The following GPC4 variants were observed in gnomAD, a reference collection of about 807,000 sequenced individuals.
The protein encoded by GPC4 is glypican 4.
A neutral mutation model predicts 35.0 loss-of-function variants in GPC4; 10 were observed. The observed-to-expected ratio is 0.29, with a 90% CI of 0.18 to 0.48. The LOEUF is 0.48. GPC4 is among the 20% of genes least tolerant of loss of function. The probability of loss-of-function intolerance (pLI) is 0.99; values close to 1 mark genes in which losing one functional copy is unlikely to be tolerated. For missense variants in GPC4, 322 were observed against 451.3 expected (o/e 0.71, Z 2.60); for synonymous variants, 167 against 170.2 (o/e 0.98, Z 0.15).
intron 4 of GPC4, among the ~76,000 whole-genome samples, chrX:133,308,840 C>T (rs927235044): frequency 1.8e-5 from 2 of 110,859 alleles, no homozygotes; most frequent in Non-Finnish European, 3.8e-5. Context: ...CAGAAACCCA[C>T]ATCTTCAGCC....
chrX:133,350,111 C>A (rs1051160441), intron 1 of GPC4, among the ~76,000 whole-genome samples: 1 of 111,400 alleles, frequency 9.0e-6, no homozygotes, highest in Non-Finnish European at 1.9e-5. Flanking sequence ...AAAAAATATA[C>A]CAGAAGAATA....
In GPC4 at chrX:133,302,851, T is replaced by C. The variant is rs1180564253; in HGVS notation, c.*16A>G. ...TTTTAACTTTTTGATGAACACTTTT[T>C]CTCAGAGTTTGAGAATTATCTCCAC... On this transcript the variant is annotated 3_prime_UTR_variant, in exon 9 of 9. Coordinates refer to ENST00000370828, the MANE Select transcript of GPC4 (RefSeq NM_001448.3). 1.7e-6 allele frequency: 2 copies of C among 1,201,035 alleles called. No homozygotes were observed. The highest frequency in any genetic ancestry group is 3.5e-5 in the African/African-American group (2 of 57,634).
chrX:133,378,093 C>T (rs1286900260), intron 1 of GPC4, among the ~76,000 whole-genome samples: 1 of 108,820 alleles, frequency 9.2e-6, no homozygotes, highest in Non-Finnish European at 1.9e-5. Context: ...GTCACATTGC[C>T]CATGCTGGTC....
chrX:133,357,411 A>G (rs1569349661), intron 1 of GPC4, among the ~76,000 whole-genome samples: 1 of 106,121 alleles, frequency 9.4e-6, no homozygotes, highest in Non-Finnish European at 1.9e-5. Flanking sequence ...TTTTTTTTAG[A>G]GATGGCGTCT....
chrX:133,304,905 A>AAG (rs770745054), intron 6 of GPC4, 44 bp from the exon 7 acceptor site: 4 of 1,163,303 alleles, frequency 3.4e-6, no homozygotes. Flanking sequence ...ATTGTAAGAC[A>AAG]AGACAAAACT....
chrX:133,382,560 C>G (rs947022079), intron 1 of GPC4, among the ~76,000 whole-genome samples: 1 of 107,227 alleles, frequency 9.3e-6, no homozygotes, highest in African/African-American at 3.4e-5. Context: ...AACCCCGTCT[C>G]TACTAAAAAT....
Position 133,366,605 on chromosome X carries a change from G to A in GPC4, c.161-27264C>T, listed in dbSNP as rs1010616489. Among the ~76,000 whole-genome samples the A allele has an allele frequency of 4.5e-5, 5 of 111,731 alleles. No homozygotes were observed. In the Admixed American group the frequency reaches 4.8e-4, roughly 11 times the overall value. ...GTGGGCCTGGCCTCTTACTGCATCT[G>A]TGTGTGTAGCCAGGGTAGAAGTAAG... On this transcript the variant is annotated intron_variant, in intron 1 of 8. Transcript: ENST00000370828.
chrX:133,357,683 C>T (rs2068548242), intron 1 of GPC4, among the ~76,000 whole-genome samples: 1 of 111,106 alleles, frequency 9.0e-6, no homozygotes, highest in Non-Finnish European at 1.9e-5. Flanking sequence ...AGCTTAGGCT[C>T]AGTTCTGTTG....
intron 1 of GPC4, 90 bp downstream of exon 1, chrX:133,414,716 G>A: frequency 8.5e-7 from 1 of 1,174,516 alleles, no homozygotes; most frequent in Non-Finnish European, 1.1e-6. Flanking sequence ...TGCGTCCGGC[G>A]CAGGGGGCGG....
At chrX:133,364,353 TG>T (rs771814267) in intron 1 of GPC4, among the ~76,000 whole-genome samples, 10 of 111,772 alleles carry the variant, frequency 8.9e-5, no homozygotes, top group African/African-American at 2.9e-4. Context: ...TCTGAGGAAA[TG>T]CCATTCACAG....
chrX:133,314,097 T>A (rs1159259569), intron 3 of GPC4, among the ~76,000 whole-genome samples: 1 of 112,344 alleles, frequency 8.9e-6, no homozygotes, highest in Non-Finnish European at 1.9e-5. Context: ...TATTCTGGAA[T>A]GCATTTGAAT....
intron 3 of GPC4, among the ~76,000 whole-genome samples, chrX:133,322,203 G>C (rs755304398): frequency 1.3e-4 from 14 of 111,292 alleles, no homozygotes; most frequent in Non-Finnish European, 2.4e-4. Flanking sequence ...CAGCACTTTG[G>C]GAGGCAGAGG....
chrX:133,343,947 T>C (rs1251492580), intron 1 of GPC4, among the ~76,000 whole-genome samples: 1 of 109,765 alleles, frequency 9.1e-6, no homozygotes, highest in African/African-American at 3.3e-5. Context: ...TTAACAGCGC[T>C]CTGAGGCAAT....
intron 1 of GPC4, among the ~76,000 whole-genome samples, chrX:133,394,710 T>C (rs1178789424): frequency 1.8e-5 from 2 of 111,337 alleles, no homozygotes; most frequent in Non-Finnish European, 3.8e-5. Context: ...CTAAGAGATA[T>C]GAACTCATAC....
In GPC4 at chrX:133,344,191, G is replaced by GTTTTTTTTTTTTTTTTTT. The variant is rs747976050; in HGVS notation, c.161-4868_161-4851dup. On this transcript the variant is annotated intron_variant, in intron 1 of 8. Transcript: ENST00000370828. Reference sequence around the variant, plus strand: ...TCTTTATTTTCTTTCTTTCTTTCTGGTTTTTTTTTTTTTTTTTTTTTTTTT... The same window carrying GTTTTTTTTTTTTTTTTTT: ...TCTTTATTTTCTTTCTTTCTTTCTGGTTTTTTTTTTTTTTTTTTTTTTTTTTTTTTTTTTTTTTTTTTT... Among the ~76,000 whole-genome samples the GTTTTTTTTTTTTTTTTTT allele has an allele frequency of 7.7e-5, 3 of 38,889 alleles. 1 individual carries two copies. The highest frequency in any genetic ancestry group is 1.0e-4 in the Non-Finnish European group (2 of 19,226). 33.8% of individuals were successfully genotyped at this position (38,889 alleles called of 115,157 possible).
At chrX:133,392,551 C>T (rs2068724231) in intron 1 of GPC4, among the ~76,000 whole-genome samples, 1 of 106,917 alleles carries the variant, frequency 9.4e-6, no homozygotes, top group South Asian at 4.3e-4. Context: ...ATTGTGTTTC[C>T]ATTGGGGATG....
At chrX:133,394,430 G>A (rs987096898) in intron 1 of GPC4, among the ~76,000 whole-genome samples, 1 of 110,846 alleles carries the variant, frequency 9.0e-6, no homozygotes, top group Admixed American at 9.7e-5. Flanking sequence ...GAGGTCTTAT[G>A]ACAGTATGAC....
At chrX:133,373,614 G>A (rs1175112031) in intron 1 of GPC4, among the ~76,000 whole-genome samples, 2 of 111,347 alleles carry the variant, frequency 1.8e-5, no homozygotes. Flanking sequence ...CCCATCACCA[G>A]GGCTCAGGGG....
intron 1 of GPC4, among the ~76,000 whole-genome samples, chrX:133,405,659 G>A (rs752791634): frequency 1.1e-4 from 12 of 111,665 alleles, no homozygotes; most frequent in Admixed American, 5.7e-4. Context: ...CCTCTAACAC[G>A]ATCCCTTCCT....
Sources: gnomAD v4.1 joint callset for allele counts (sites outside exome capture counted in the v4.1 genomes callset) on GRCh38, gnomAD v4.1.1 for gene constraint, MANE v1.5 for transcripts, NCBI Gene and HGNC (gene_info 2026-07-23, HGNC 2026-07-21) for gene names.